CNTN4: variants seen among roughly 807,000 people sequenced by gnomAD.
CNTN4 encodes the protein contactin 4, also known as contactin-4.
Under a neutral mutation model 122.5 loss-of-function variants are expected in CNTN4, and 77 were observed. The ratio of observed to expected loss-of-function variants is 0.63; its 90% CI spans 0.52 to 0.76. The LOEUF (loss-of-function observed/expected upper bound fraction) is 0.76, where lower values mean the gene tolerates loss of function less well. Ranked by LOEUF, CNTN4 falls within the 30% of genes least tolerant of loss-of-function variation. CNTN4 has a pLI of 0.00. For missense variants in CNTN4, 1,256 were observed against 1,259.1 expected (o/e 1.00, Z 0.04); for synonymous variants, 512 against 447.0 (o/e 1.15, Z -1.83).
At chr3:2,400,339 A>AAT (rs34800226) in intron 3 of CNTN4, among the ~76,000 whole-genome samples, 42 of 144,408 alleles carry the variant, frequency 2.9e-4, no homozygotes, top group South Asian at 1.3e-3. Context: ...ATGTAAAAGA[A>AAT]ATATATATAT....
chr3:2,161,780 A>T (rs1420092668), intron 2 of CNTN4, among the ~76,000 whole-genome samples: 9 of 152,188 alleles, frequency 5.9e-5, no homozygotes, highest in African/African-American at 1.9e-4. Flanking sequence ...TAGTTAAGTT[A>T]CGAATTGTGA....
intron 2 of CNTN4, among the ~76,000 whole-genome samples, chr3:2,185,731 A>G (rs1425836086): frequency 6.6e-6 from 1 of 152,128 alleles, no homozygotes; most frequent in Non-Finnish European, 1.5e-5. Flanking sequence ...ATAATGGTAC[A>G]AAGTATTTCT....
chr3:2,651,468 A>G (rs1206277519), intron 4 of CNTN4, among the ~76,000 whole-genome samples: 2 of 152,058 alleles, frequency 1.3e-5, no homozygotes, highest in Non-Finnish European at 2.9e-5. Context: ...CACCCTTTTC[A>G]CTTTTCTAGG....
chr3:2,910,073 C>T (rs906712374), intron 12 of CNTN4, among the ~76,000 whole-genome samples: 1 of 152,168 alleles, frequency 6.6e-6, no homozygotes, highest in South Asian at 2.1e-4. Flanking sequence ...GCTGAAGGCC[C>T]CATTTCAACA....
chr3:2,642,083 G>A (rs73112526), intron 4 of CNTN4, among the ~76,000 whole-genome samples: 6,619 of 152,218 alleles, frequency 0.043, 252 homozygotes, highest in African/African-American at 0.1. Flanking sequence ...ATAAGGTCCC[G>A]CAATAGGCTG....
intron 3 of CNTN4, among the ~76,000 whole-genome samples, chr3:2,523,003 A>G (rs1251162195): frequency 6.6e-6 from 1 of 152,082 alleles, no homozygotes; most frequent in Non-Finnish European, 1.5e-5. Flanking sequence ...TCTGTCCTAA[A>G]TTGATCTGGT....
intron 3 of CNTN4, among the ~76,000 whole-genome samples, chr3:2,366,112 C>G (rs1324934585): frequency 6.6e-6 from 1 of 152,124 alleles, no homozygotes; most frequent in Non-Finnish European, 1.5e-5. Flanking sequence ...TCAGCTTGTT[C>G]TTTGAACCTT....
intron 2 of CNTN4, among the ~76,000 whole-genome samples, chr3:2,196,116 C>G (rs1014276658): frequency 2.6e-5 from 4 of 152,174 alleles, no homozygotes; most frequent in Admixed American, 2.0e-4. Flanking sequence ...TTATACAAAG[C>G]TGTTATGTCA....
chr3:2,574,203 T>C (rs765234190), intron 4 of CNTN4, among the ~76,000 whole-genome samples: 3 of 151,446 alleles, frequency 2.0e-5, no homozygotes, highest in African/African-American at 4.9e-5. Context: ...GCAACAAGAG[T>C]GAAACTCCAT....
intron 4 of CNTN4, among the ~76,000 whole-genome samples, chr3:2,618,741 A>C (rs2081877591): frequency 6.6e-6 from 1 of 152,176 alleles, no homozygotes; most frequent in Non-Finnish European, 1.5e-5. Context: ...TATGGCTTCA[A>C]TTGTTTATCA....
chr3:2,624,301 C>T (rs184656741), intron 4 of CNTN4, among the ~76,000 whole-genome samples: 9 of 152,080 alleles, frequency 5.9e-5, no homozygotes, highest in Admixed American at 2.0e-4. Context: ...CTCTTATGGT[C>T]GATATGCTGT....
At chr3:2,920,363 A>AG (rs2094416469) in intron 12 of CNTN4, among the ~76,000 whole-genome samples, 1 of 82,466 alleles carries the variant, frequency 1.2e-5, no homozygotes, top group East Asian at 4.4e-4. Context: ...TTGTGACAAT[A>AG]GAATAGTTCC....
intron 2 of CNTN4, among the ~76,000 whole-genome samples, chr3:2,265,564 T>C (rs1344207959): frequency 4.6e-5 from 7 of 152,088 alleles, no homozygotes; most frequent in Non-Finnish European, 1.0e-4. Context: ...TTTGCGATTC[T>C]ATAGAAATTT....
intron 6 of CNTN4, among the ~76,000 whole-genome samples, chr3:2,771,764 A>G (rs770245688): frequency 1.3e-5 from 2 of 152,228 alleles, no homozygotes; most frequent in Non-Finnish European, 2.9e-5. Context: ...TAATTCCAGG[A>G]TATTATGTGG....
intron 13 of CNTN4, among the ~76,000 whole-genome samples, chr3:2,926,205 T>C (rs959251059): frequency 1.3e-5 from 2 of 152,220 alleles, no homozygotes; most frequent in African/African-American, 4.8e-5. Flanking sequence ...TAGTTTCTCC[T>C]TTTTTGAGGC....
chr3:3,007,433 G>A (rs2125460910), intron 14 of CNTN4, among the ~76,000 whole-genome samples: 1 of 152,314 alleles, frequency 6.6e-6, no homozygotes, highest in East Asian at 1.9e-4. Flanking sequence ...TGCTTGGAAA[G>A]ATGTATATCA....
chr3:2,101,224 C>T (rs1252727037), intron 2 of CNTN4, among the ~76,000 whole-genome samples: 1 of 152,130 alleles, frequency 6.6e-6, no homozygotes, highest in East Asian at 1.9e-4. Flanking sequence ...CTTCTGATTT[C>T]TTTTCCGATC....
In CNTN4 at chr3:2,461,323, TATC is replaced by T. The variant is rs565788187; in HGVS notation, c.-88-110090_-88-110088del. ...CTTCTTCCCTTTTATTTATGGAAGT[TATC>T]ATTAATTATTAATTATTAATTAATT... On this transcript the variant is annotated intron_variant, in intron 3 of 24. Transcript: ENST00000418658. Among the ~76,000 whole-genome samples, 20 of 151,928 alleles carry T rather than the reference TATC, an allele frequency of 1.3e-4. No homozygotes were observed. In the South Asian group the frequency reaches 2.5e-3, roughly 19 times the overall value.
chr3:3,042,962 T>G lies in CNTN4; in HGVS notation c.2512-15T>G. 1.9e-6 allele frequency: 3 copies of G among 1,608,764 alleles called. No individual in the cohort carries two copies. The highest frequency in any genetic ancestry group is 1.7e-6 in the Non-Finnish European group (2 of 1,175,216). Reference sequence around the variant, plus strand: ...TTGGGTATGGTTTCCAAGGTCTTTCTGTTTATCTTCTTAGGTTAAATATTG... The same window carrying G: ...TTGGGTATGGTTTCCAAGGTCTTTCGGTTTATCTTCTTAGGTTAAATATTG... On this transcript the variant is annotated splice_polypyrimidine_tract_variant and intron_variant, in intron 21 of 24. Transcript: ENST00000418658.
Sources: allele counts gnomAD v4.1 joint callset (sites outside exome capture counted in the v4.1 genomes callset), GRCh38; gene constraint gnomAD v4.1.1; transcripts MANE v1.5; gene names NCBI Gene and HGNC (gene_info 2026-07-23, HGNC 2026-07-21).